The following RBFOX1 variants were observed in gnomAD, a reference collection of about 807,000 sequenced individuals.
RBFOX1 encodes the protein RNA binding protein fox-1 homolog 1.
A neutral mutation model predicts 57.7 loss-of-function variants in RBFOX1; 8 were observed. The observed-to-expected ratio is 0.14, with a 90% CI of 0.08 to 0.25. The LOEUF (loss-of-function observed/expected upper bound fraction) is 0.25. Ranked by LOEUF, RBFOX1 falls within the 10% of genes least tolerant of loss-of-function variation. The pLI, the probability that RBFOX1 is intolerant of heterozygous loss-of-function variation, is 1.00. For missense variants in RBFOX1, 611 were observed against 548.5 expected (o/e 1.11, Z -1.14); for synonymous variants, 326 against 222.4 (o/e 1.47, Z -4.15).
chr16:5,677,091 T>G (rs2050190617), intron 3 of RBFOX1, among the ~76,000 whole-genome samples: 1 of 152,194 alleles, frequency 6.6e-6, no homozygotes, highest in Non-Finnish European at 1.5e-5. Flanking sequence ...AAGTTCTTGC[T>G]CAGTCATTAT....
intron 3 of RBFOX1, among the ~76,000 whole-genome samples, chr16:5,627,100 C>G (rs1375429503): frequency 6.6e-6 from 1 of 152,158 alleles, no homozygotes; most frequent in Admixed American, 6.5e-5. Flanking sequence ...GCCCTCAAAT[C>G]TATTTAAACT....
intron 1 of RBFOX1, among the ~76,000 whole-genome samples, chr16:6,154,678 T>C (rs1275622620): frequency 6.6e-6 from 1 of 152,212 alleles, no homozygotes; most frequent in African/African-American, 2.4e-5. Context: ...AATATGAATG[T>C]CAAAGAAGAA....
intron 12 of RBFOX1, among the ~76,000 whole-genome samples, chr16:7,654,845 C>T (rs888894826): frequency 6.6e-6 from 1 of 152,134 alleles, no homozygotes. Flanking sequence ...GATGCTATGT[C>T]CTCTATTGGG....
chr16:5,469,918 G>T (rs2069077656), intron 2 of RBFOX1, among the ~76,000 whole-genome samples: 1 of 152,168 alleles, frequency 6.6e-6, no homozygotes, highest in Non-Finnish European at 1.5e-5. Context: ...TTTGGGTTGT[G>T]TCTACCTTTT....
chr16:5,687,640 A>G (rs150813186), intron 3 of RBFOX1, among the ~76,000 whole-genome samples: 1 of 152,310 alleles, frequency 6.6e-6, no homozygotes, highest in Non-Finnish European at 1.5e-5. Flanking sequence ...CCATGAAACC[A>G]GTATGCTCCT....
intron 4 of RBFOX1, among the ~76,000 whole-genome samples, chr16:7,241,354 A>G (rs1199987069): frequency 1.3e-5 from 2 of 152,180 alleles, no homozygotes; most frequent in African/African-American, 2.4e-5. Flanking sequence ...CCGTTGGACT[A>G]TCTTGGAAAG....
intron 2 of RBFOX1, among the ~76,000 whole-genome samples, chr16:6,532,180 C>G (rs571101952): frequency 6.6e-6 from 1 of 152,258 alleles, no homozygotes; most frequent in African/African-American, 2.4e-5. Flanking sequence ...AAGAAAGTTC[C>G]TTTAGGAAAC....
intron 1 of RBFOX1, among the ~76,000 whole-genome samples, chr16:5,401,835 A>G (rs1244663586): frequency 6.9e-6 from 1 of 145,492 alleles, no homozygotes; most frequent in African/African-American, 2.6e-5. Context: ...CTGCTTCCTC[A>G]TCATCATTTC....
chr16:5,394,050 G>A (rs1486859999), intron 1 of RBFOX1, among the ~76,000 whole-genome samples: 2 of 151,894 alleles, frequency 1.3e-5, no homozygotes, highest in Non-Finnish European at 2.9e-5. Context: ...CCGAGACAGT[G>A]TCTTACTCTG....
intron 1 of RBFOX1, among the ~76,000 whole-genome samples, chr16:6,159,731 A>G (rs369418505): frequency 7.9e-5 from 12 of 152,300 alleles, no homozygotes; most frequent in Middle Eastern, 3.4e-3. Context: ...GCTTCATTCT[A>G]TGTTTCCTTA....
chr16:5,595,069 C>T, intron 2 of RBFOX1, among the ~76,000 whole-genome samples: 1 of 151,688 alleles, frequency 6.6e-6, no homozygotes, highest in East Asian at 1.9e-4. Context: ...TTGTTTGAAC[C>T]TGGGAGGTGG....
chr16:6,571,218 G>A (rs1192549893), intron 2 of RBFOX1, among the ~76,000 whole-genome samples: 4 of 152,176 alleles, frequency 2.6e-5, no homozygotes, highest in Non-Finnish European at 5.9e-5. Context: ...TTCGAAAATT[G>A]TCAGAGGCTC....
At chr16:7,123,166 T>C (rs2076393989) in intron 4 of RBFOX1, among the ~76,000 whole-genome samples, 1 of 152,112 alleles carries the variant, frequency 6.6e-6, no homozygotes, top group Admixed American at 6.6e-5. Flanking sequence ...ATTTATGAAA[T>C]TGTACATCCA....
intron 2 of RBFOX1, among the ~76,000 whole-genome samples, chr16:6,531,967 T>A (rs1363325168): frequency 6.6e-6 from 1 of 152,138 alleles, no homozygotes; most frequent in Non-Finnish European, 1.5e-5. Flanking sequence ...TTAGAGGTAG[T>A]TGAAAAAGCA....
chr16:6,788,504 C>T (rs896020429), intron 3 of RBFOX1, among the ~76,000 whole-genome samples: 2 of 151,604 alleles, frequency 1.3e-5, no homozygotes, highest in African/African-American at 2.4e-5. Context: ...GACAGAGTCT[C>T]TTGCTCTGTC....
intron 1 of RBFOX1, among the ~76,000 whole-genome samples, chr16:5,381,348 T>G (rs1245015030): frequency 2.0e-5 from 3 of 152,226 alleles, no homozygotes; most frequent in African/African-American, 7.2e-5. Flanking sequence ...AATATTTATT[T>G]AGTATTTACT....
chr16:5,732,985 T>C (rs2052437706), intron 3 of RBFOX1, among the ~76,000 whole-genome samples: 1 of 152,170 alleles, frequency 6.6e-6, no homozygotes, highest in South Asian at 2.1e-4. Context: ...TCCATGTTTT[T>C]ATTGCGATGG....
intron 2 of RBFOX1, among the ~76,000 whole-genome samples, chr16:6,497,822 G>A (rs2095814002): frequency 6.6e-6 from 1 of 152,030 alleles, no homozygotes; most frequent in Non-Finnish European, 1.5e-5. Flanking sequence ...CTCCCAAAGT[G>A]TAGGTATTAC....
At chr16:5,451,474 A>G (rs2068424197) in intron 1 of RBFOX1, among the ~76,000 whole-genome samples, 1 of 152,204 alleles carries the variant, frequency 6.6e-6, no homozygotes, top group Non-Finnish European at 1.5e-5. Flanking sequence ...CTGCCTTTGA[A>G]TGATTTGATG....
Sources: allele counts gnomAD v4.1 joint callset (sites outside exome capture counted in the v4.1 genomes callset), GRCh38; gene constraint gnomAD v4.1.1; transcripts MANE v1.5; gene names NCBI Gene and HGNC (gene_info 2026-07-23, HGNC 2026-07-21).